Variants in XKR6 observed in about 807,000 individuals in gnomAD.
XKR6 encodes the protein XK-related protein 6.
XKR6 carries 22 observed loss-of-function variants against 56.7 expected under a neutral mutation model. That is an observed-to-expected ratio of 0.39 (90% confidence interval 0.28 to 0.55). XKR6 has a LOEUF of 0.55. Among genes scored for constraint, XKR6 ranks in the 20% least tolerant of loss-of-function variants. XKR6 has a pLI of 0.66. For missense variants in XKR6, 852 were observed against 889.0 expected (o/e 0.96, Z 0.53); for synonymous variants, 524 against 387.8 (o/e 1.35, Z -4.13).
chr8:11,114,028 T>C, intron 1 of XKR6: 1 of 418,650 alleles, frequency 2.4e-6, no homozygotes. Context: ...CACCTTCTAG[T>C]CAGAAATCAG....
At chr8:11,190,610 C>T (rs995861126) in intron 1 of XKR6, among the ~76,000 whole-genome samples, 1 of 152,208 alleles carries the variant, frequency 6.6e-6, no homozygotes, top group Non-Finnish European at 1.5e-5. Flanking sequence ...CTAAGCTCTG[C>T]AGAGTTTAAT....
chr8:10,898,196 G>T lies in XKR6; in HGVS notation c.1682C>A (p.Pro561His). 6.2e-7 allele frequency: 1 copy of T among 1,614,152 alleles called. No homozygotes were observed. The change falls in exon 3 of 3, where the codon CCT becomes CAT. Residue 561 changes from proline to histidine, a missense_variant. Coordinates refer to ENST00000416569, the MANE Select transcript of XKR6 (RefSeq NM_173683.4). This position sits in a 1 kb window ranked among gnomAD's most constrained non-coding sequence, Gnocchi z 6.6. The part of the protein sequence containing the change: ...QEDLTADTCL[P>H]VFQVRPMGPP... ...CCCCATGGGTCTCACTTGGAAAACA[G>T]GCAAGCAAGTGTCAGCCGTGAGATC...
chr8:11,010,678 T>G (rs560704591), intron 1 of XKR6, among the ~76,000 whole-genome samples: 11 of 152,238 alleles, frequency 7.2e-5, no homozygotes, highest in Admixed American at 2.0e-4. Context: ...TTTTATAGCT[T>G]TAAAACAACT....
At chr8:11,187,879 A>G (rs1267013204) in intron 1 of XKR6, among the ~76,000 whole-genome samples, 1 of 152,196 alleles carries the variant, frequency 6.6e-6, no homozygotes. Context: ...AGGATAAAAT[A>G]AGGCCCCTAC....
chr8:11,159,273 T>C (rs914463045), intron 1 of XKR6, among the ~76,000 whole-genome samples: 3 of 152,202 alleles, frequency 2.0e-5, no homozygotes, highest in African/African-American at 7.2e-5. Flanking sequence ...TAACAAACAT[T>C]ATCTTCAACT....
intron 1 of XKR6, among the ~76,000 whole-genome samples, chr8:11,130,754 C>T (rs569941500): frequency 5.3e-5 from 8 of 152,044 alleles, no homozygotes; most frequent in South Asian, 2.1e-4. Context: ...ATAAGAAGTA[C>T]GACAGATGCC....
At chr8:10,920,578 G>T (rs776046265) in intron 2 of XKR6, among the ~76,000 whole-genome samples, 1 of 152,164 alleles carries the variant, frequency 6.6e-6, no homozygotes, top group Non-Finnish European at 1.5e-5. Context: ...AATTTCTGAT[G>T]ACTAAACTGA....
At chr8:11,031,467 C>T (rs932216642) in intron 1 of XKR6, among the ~76,000 whole-genome samples, 10 of 152,146 alleles carry the variant, frequency 6.6e-5, no homozygotes, top group African/African-American at 2.4e-4. Flanking sequence ...ACGGGGGTTC[C>T]TGGCTGCAGG....
chr8:11,185,238 T>C (rs1012646873), intron 1 of XKR6, among the ~76,000 whole-genome samples: 22 of 152,334 alleles, frequency 1.4e-4, no homozygotes, highest in African/African-American at 4.3e-4. Context: ...GTAAGAATTA[T>C]CTCACGTTGC....
intron 1 of XKR6, among the ~76,000 whole-genome samples, chr8:11,024,207 GTGTGTGT>G (rs1798810937): frequency 1.5e-4 from 7 of 45,438 alleles, no homozygotes; most frequent in African/African-American, 1.1e-3. Flanking sequence ...GTTAGGAGGT[GTGTGTGT>G]GTGTGTGTGT....
chr8:11,130,836 A>AG (rs1800069952), intron 1 of XKR6, among the ~76,000 whole-genome samples: 1 of 152,146 alleles, frequency 6.6e-6, no homozygotes, highest in Non-Finnish European at 1.5e-5. Flanking sequence ...ACAGACCTTC[A>AG]GGACTCCAGT....
intron 1 of XKR6, among the ~76,000 whole-genome samples, chr8:11,120,994 C>G (rs1799424284): frequency 6.6e-6 from 1 of 152,272 alleles, no homozygotes; most frequent in Non-Finnish European, 1.5e-5. Flanking sequence ...ATGGAGAAAG[C>G]TGAAACTGGA....
chr8:10,973,554 T>A (rs1166734599), intron 1 of XKR6, among the ~76,000 whole-genome samples: 1 of 152,102 alleles, frequency 6.6e-6, no homozygotes, highest in Non-Finnish European at 1.5e-5. Context: ...AGGCTACTGA[T>A]CTTTCTTTCT....
intron 2 of XKR6, among the ~76,000 whole-genome samples, chr8:10,921,583 T>C (rs1344095169): frequency 6.6e-6 from 1 of 152,218 alleles, no homozygotes; most frequent in Non-Finnish European, 1.5e-5. Context: ...TTTCTTCCAG[T>C]ATACCAAAGA....
At chr8:10,955,499 A>T (rs1372396922) in intron 1 of XKR6, among the ~76,000 whole-genome samples, 1 of 152,166 alleles carries the variant, frequency 6.6e-6, no homozygotes, top group African/African-American at 2.4e-5. Context: ...TTTTCAAGGT[A>T]ACATTTCTGC....
At chr8:10,964,688 G>A (rs547343659) in intron 1 of XKR6, among the ~76,000 whole-genome samples, 5 of 152,224 alleles carry the variant, frequency 3.3e-5, no homozygotes, top group African/African-American at 9.6e-5. Context: ...CCTCACCCGC[G>A]GGATCTTGCC....
At position 11,194,999 on chromosome 8, in the gene XKR6, T is replaced by C. The variant is rs963454688; in HGVS notation, c.764+5577A>G. ...AATGTCAAGTTTTTAGGGTTACTGTTCACTCAAAAACAAGAAATAAATCTT... is the reference window on the plus strand; with the variant it reads ...AATGTCAAGTTTTTAGGGTTACTGTCCACTCAAAAACAAGAAATAAATCTT... On this transcript the variant is annotated intron_variant, in intron 1 of 2. Coordinates refer to ENST00000416569, the MANE Select transcript of XKR6 (RefSeq NM_173683.4). 5.2e-6 allele frequency: 3 copies of C among 581,628 alleles called. 1 individual carries two copies. The Admixed American group carries it at 9.3e-5, about 18-fold the overall frequency. 36.0% of individuals were successfully genotyped at this position (581,628 alleles called of 1,614,324 possible). A position where few individuals can be genotyped will look rare whatever the true frequency, so the allele number is the denominator to read the frequency against.
At chr8:11,125,545 G>C (rs1261157257) in intron 1 of XKR6, among the ~76,000 whole-genome samples, 1 of 152,134 alleles carries the variant, frequency 6.6e-6, no homozygotes, top group Non-Finnish European at 1.5e-5. Flanking sequence ...GATGATGTGA[G>C]TCCTGTCACC....
chr8:11,178,547 A>ATATATGTAT (rs1802779230), intron 1 of XKR6, among the ~76,000 whole-genome samples: 1 of 88,508 alleles, frequency 1.1e-5, no homozygotes, highest in African/African-American at 5.8e-5. Flanking sequence ...GAGAGGTAAA[A>ATATATGTAT]ATATATATAT....
Sources: gnomAD v4.1 joint callset for allele counts (sites outside exome capture counted in the v4.1 genomes callset) on GRCh38, gnomAD v4.1.1 for gene constraint, Gnocchi (gnomAD v3.1) non-coding constraint, MANE v1.5 for transcripts, NCBI Gene and HGNC (gene_info 2026-07-23, HGNC 2026-07-21) for gene names.